COL24A1: variants seen among roughly 807,000 people sequenced by gnomAD.
COL24A1 encodes the protein collagen type XXIV alpha 1 chain.
Under a neutral mutation model 253.9 loss-of-function variants are expected in COL24A1, and 224 were observed. The observed-to-expected ratio is 0.88, with a 90% confidence interval of 0.79 to 0.99. The LOEUF (loss-of-function observed/expected upper bound fraction) is 0.99, where lower values mean the gene tolerates loss of function less well. COL24A1 is among the 50% of genes least tolerant of loss of function. The probability of loss-of-function intolerance (pLI) is 0.00; values close to 1 mark genes in which losing one functional copy is unlikely to be tolerated. For synonymous variants in COL24A1, 685 were observed against 673.7 expected, an observed-to-expected ratio of 1.02 and a Z score of -0.26; for missense variants, 2,131 against 2,068.5, an observed-to-expected ratio of 1.03 and a Z score of -0.59.
intron 24 of COL24A1, among the ~76,000 whole-genome samples, chr1:85,932,059 T>A (rs1687781814): frequency 1.2e-5 from 1 of 81,580 alleles, no homozygotes; most frequent in Non-Finnish European, 2.5e-5. Flanking sequence ...CCAAAAGCAA[T>A]GGCAACCAAA....
intron 37 of COL24A1, 77 bp from the exon 38 acceptor site, chr1:85,849,483 A>T: frequency 1.9e-6 from 2 of 1,050,834 alleles, no homozygotes; most frequent in Non-Finnish European, 2.9e-6. Flanking sequence ...CTTCTATCAG[A>T]TAATCACTGG....
At chr1:85,875,682 G>A (rs1271093634) in intron 33 of COL24A1, among the ~76,000 whole-genome samples, 1 of 145,646 alleles carries the variant, frequency 6.9e-6, no homozygotes, top group Non-Finnish European at 1.5e-5. Flanking sequence ...AAAATATCAT[G>A]CAAATAAGAG....
chr1:85,874,147 A>G (rs1680867552), intron 35 of COL24A1, among the ~76,000 whole-genome samples: 1 of 152,182 alleles, frequency 6.6e-6, no homozygotes, highest in Admixed American at 6.5e-5. Context: ...TCCTTACCAC[A>G]GCTCAAAATA....
At chr1:85,764,000 G>T (rs1667104491) in intron 53 of COL24A1, among the ~76,000 whole-genome samples, 1 of 152,108 alleles carries the variant, frequency 6.6e-6, no homozygotes, top group South Asian at 2.1e-4. Context: ...GAGTATGTTA[G>T]TCTTCCTTTT....
chr1:85,904,029 G>A (rs964551283), intron 28 of COL24A1, among the ~76,000 whole-genome samples: 1 of 152,124 alleles, frequency 6.6e-6, no homozygotes, highest in African/African-American at 2.4e-5. Flanking sequence ...ATTGAGGACT[G>A]CTTCCCCCTA....
At chr1:86,112,348 G>A (rs1309646348) in intron 5 of COL24A1, among the ~76,000 whole-genome samples, 1 of 152,100 alleles carries the variant, frequency 6.6e-6, no homozygotes, top group African/African-American at 2.4e-5. Flanking sequence ...GCCTATACCT[G>A]ATTTTACTAC....
chr1:86,046,600 T>A (rs910526164), intron 12 of COL24A1, among the ~76,000 whole-genome samples: 1 of 152,192 alleles, frequency 6.6e-6, no homozygotes, highest in Non-Finnish European at 1.5e-5. Context: ...CCCACTGGTA[T>A]AGTGAAAGGG....
intron 53 of COL24A1, among the ~76,000 whole-genome samples, chr1:85,765,221 A>T (rs1667235222): frequency 6.6e-6 from 1 of 152,204 alleles, no homozygotes; most frequent in Non-Finnish European, 1.5e-5. Flanking sequence ...AGAACTGTGA[A>T]GACATATTAA....
In COL24A1 at chr1:85,874,580, G is replaced by A. The variant is rs112815588; in HGVS notation, c.3138+69C>T. The A allele has an allele frequency of 5.1e-4, 711 of 1,396,658 alleles. 3 individuals carry two copies. The highest frequency in any genetic ancestry group is 1.7e-3 in the Middle Eastern group (7 of 4,128). The allele number at this position is 1,396,658 out of a possible 1,614,324, so 86.5% of individuals were successfully genotyped here. ...TATTATCCAATTTTTTGAGTGTTTC[G>A]AATAATAAGTTTTGAGCCTCTGAAA... is the stretch of plus-strand genomic sequence containing the variant. On this transcript the variant is annotated intron_variant, in intron 35 of 59. Coordinates refer to ENST00000370571, the MANE Select transcript of COL24A1 (RefSeq NM_152890.7).
chr1:85,838,688 T>C, intron 42 of COL24A1, 50 bp from the exon 43 acceptor site: 1 of 1,525,472 alleles, frequency 6.6e-7, no homozygotes, highest in Admixed American at 1.7e-5. Context: ...GATCAAAGTA[T>C]ATGCGAATGC....
chr1:85,925,851 C>A (rs1197583648), intron 24 of COL24A1, among the ~76,000 whole-genome samples: 1 of 152,090 alleles, frequency 6.6e-6, no homozygotes, highest in Admixed American at 6.5e-5. Flanking sequence ...AGAGCTTCTG[C>A]ACAGAAAAAG....
intron 2 of COL24A1, among the ~76,000 whole-genome samples, chr1:86,142,303 C>T (rs1411052334): frequency 6.6e-6 from 1 of 151,906 alleles, no homozygotes; most frequent in African/African-American, 2.4e-5. Context: ...GCGGGAGGAT[C>T]ACGAGATCAG....
At chr1:86,089,328 T>C in intron 6 of COL24A1, 101 bp from the exon 7 acceptor site, 1 of 907,154 alleles carries the variant, frequency 1.1e-6, no homozygotes, top group Non-Finnish European at 1.7e-6. Flanking sequence ...TCAGCTCTTA[T>C]TACAATCATT....
chr1:85,767,533 A>G (rs1667510077), intron 53 of COL24A1, among the ~76,000 whole-genome samples: 1 of 152,236 alleles, frequency 6.6e-6, no homozygotes, highest in Non-Finnish European at 1.5e-5. Context: ...AGCTCCTTAA[A>G]TTATAATGGA....
chr1:85,978,476 C>G (rs950187516), intron 20 of COL24A1, among the ~76,000 whole-genome samples: 10 of 151,918 alleles, frequency 6.6e-5, no homozygotes, highest in Non-Finnish European at 1.5e-4. Context: ...CTTCAAGAGG[C>G]TCACCTAACA....
At chr1:86,156,080 G>A (rs909102187) in intron 1 of COL24A1, 4 of 365,992 alleles carry the variant, frequency 1.1e-5, no homozygotes, top group Non-Finnish European at 2.0e-5. Context: ...CTCGGGACTC[G>A]CGCCAGCGAG....
intron 28 of COL24A1, among the ~76,000 whole-genome samples, chr1:85,900,816 G>C (rs1381467198): frequency 1.3e-5 from 2 of 152,122 alleles, no homozygotes; most frequent in African/African-American, 2.4e-5. Flanking sequence ...ATGGGGAATG[G>C]ATGGCCTCTT....
intron 24 of COL24A1, among the ~76,000 whole-genome samples, chr1:85,936,333 C>G (rs534562111): frequency 6.8e-6 from 1 of 146,852 alleles, no homozygotes; most frequent in Non-Finnish European, 1.5e-5. Flanking sequence ...AAACGTAACC[C>G]AGTTAGGATT....
intron 1 of COL24A1, chr1:86,155,927 C>T (rs1177961835): frequency 5.9e-6 from 1 of 168,332 alleles, no homozygotes; most frequent in Non-Finnish European, 1.3e-5. Flanking sequence ...AGGCTGGACG[C>T]CCTGAGAAGC....
Sources: gnomAD v4.1 joint callset for allele counts (sites outside exome capture counted in the v4.1 genomes callset) on GRCh38, gnomAD v4.1.1 for gene constraint, MANE v1.5 for transcripts, NCBI Gene and HGNC (gene_info 2026-07-23, HGNC 2026-07-21) for gene names.